The following RABGAP1L variants were observed in gnomAD, a reference collection of about 807,000 sequenced individuals.
The protein encoded by RABGAP1L is RAB GTPase activating protein 1 like, also known as rab GTPase-activating protein 1-like.
Under a neutral mutation model 137.7 loss-of-function variants are expected in RABGAP1L, and 63 were observed. That is an observed-to-expected ratio of 0.46 (90% CI 0.37 to 0.56). The LOEUF is 0.56. Among genes scored for constraint, RABGAP1L ranks in the 20% least tolerant of loss-of-function variants. The probability of loss-of-function intolerance (pLI) is 0.00; values close to 1 mark genes in which losing one functional copy is unlikely to be tolerated. For synonymous variants in RABGAP1L, 431 were observed against 433.7 expected (o/e 0.99, Z 0.08); for missense variants, 1,095 against 1,244.0 (o/e 0.88, Z 1.80).
At chr1:174,871,030 C>T (rs182221193) in intron 19 of RABGAP1L, among the ~76,000 whole-genome samples, 4 of 152,214 alleles carry the variant, frequency 2.6e-5, no homozygotes, top group East Asian at 3.9e-4. Context: ...TGAGCCACCA[C>T]GCCCGGCCTA....
At chr1:174,447,672 C>G (rs539961559) in intron 13 of RABGAP1L, among the ~76,000 whole-genome samples, 26 of 152,268 alleles carry the variant, frequency 1.7e-4, no homozygotes, top group African/African-American at 6.0e-4. Flanking sequence ...GAAACTGCCT[C>G]TCTTAGGAGA....
chr1:174,468,738 A>C (rs1384064202), intron 13 of RABGAP1L, among the ~76,000 whole-genome samples: 1 of 152,054 alleles, frequency 6.6e-6, no homozygotes, highest in Non-Finnish European at 1.5e-5. Context: ...TCTCTGTAAA[A>C]TCATTCCAGT....
chr1:174,174,223 C>T (rs1429522028), intron 1 of RABGAP1L, among the ~76,000 whole-genome samples: 4 of 125,958 alleles, frequency 3.2e-5, no homozygotes, highest in Non-Finnish European at 6.8e-5. Flanking sequence ...CACACACACA[C>T]ACACACACAC....
chr1:174,327,133 A>T (rs1351536296), intron 11 of RABGAP1L, among the ~76,000 whole-genome samples: 1 of 152,190 alleles, frequency 6.6e-6, no homozygotes, highest in Non-Finnish European at 1.5e-5. Flanking sequence ...TATAAAACCC[A>T]CAGGAAAAAG....
chr1:174,754,650 T>G (rs755333320), intron 18 of RABGAP1L, among the ~76,000 whole-genome samples: 2 of 152,116 alleles, frequency 1.3e-5, no homozygotes, highest in Non-Finnish European at 2.9e-5. Context: ...TACAGGTAGA[T>G]GCCACCATGC....
In RABGAP1L at chr1:174,858,156, G is replaced by T. The variant is rs140383221; in HGVS notation, c.2340+46196G>T. 9.7e-3 allele frequency among the ~76,000 whole-genome samples: 1,468 copies of T among 152,112 alleles called. 30 individuals carry two copies. The highest frequency in any genetic ancestry group is 0.032 in the African/African-American group (1,334 of 41,492). ...GCTTCCCAAGTAGTTGGGATTACAGGCATGTGCCACCATGCCTGGCTAATT... is the reference window on the plus strand; with the variant it reads ...GCTTCCCAAGTAGTTGGGATTACAGTCATGTGCCACCATGCCTGGCTAATT... On this transcript the variant is annotated intron_variant, in intron 19 of 25. Transcript: ENST00000681986.
chr1:174,649,599 G>A (rs1255133030), intron 14 of RABGAP1L, among the ~76,000 whole-genome samples: 2 of 152,080 alleles, frequency 1.3e-5, no homozygotes, highest in African/African-American at 2.4e-5. Flanking sequence ...CCCTTTGTGG[G>A]TAACCCGACC....
intron 13 of RABGAP1L, among the ~76,000 whole-genome samples, chr1:174,619,130 T>C (rs965378107): frequency 2.0e-5 from 3 of 152,092 alleles, no homozygotes; most frequent in African/African-American, 4.8e-5. Context: ...CCAAGAAATA[T>C]GGGACTATGT....
intron 18 of RABGAP1L, among the ~76,000 whole-genome samples, chr1:174,771,962 G>A (rs952630367): frequency 6.6e-6 from 1 of 152,222 alleles, no homozygotes; most frequent in Non-Finnish European, 1.5e-5. Flanking sequence ...CACTTTGGAA[G>A]GCCGAGGCAG....
At chr1:174,794,506 G>A (rs1014699604) in intron 18 of RABGAP1L, among the ~76,000 whole-genome samples, 2 of 152,174 alleles carry the variant, frequency 1.3e-5, no homozygotes, top group South Asian at 4.1e-4. Context: ...TAAATTTTCA[G>A]AGCAGCTTTG....
chr1:174,746,024 C>T (rs1292500939), intron 17 of RABGAP1L, among the ~76,000 whole-genome samples: 1 of 152,198 alleles, frequency 6.6e-6, no homozygotes, highest in African/African-American at 2.4e-5. Flanking sequence ...TTTGACACTA[C>T]CTTTTCAGCA....
chr1:174,828,166 T>G lies in RABGAP1L; in HGVS notation c.2340+16206T>G, dbSNP rs750699536. On this transcript the variant is annotated intron_variant, in intron 19 of 25. Coordinates refer to ENST00000681986, the MANE Select transcript of RABGAP1L (RefSeq NM_001366446.1). ...ACATTTTGAAGATTGTCTGACATAGTAGGATCTTCTTAGAGCCATCAGAAT... is the reference window on the plus strand; with the variant it reads ...ACATTTTGAAGATTGTCTGACATAGGAGGATCTTCTTAGAGCCATCAGAAT... Among the ~76,000 whole-genome samples, 27 of 148,202 alleles carry G rather than the reference T, an allele frequency of 1.8e-4. 6 individuals carry two copies. The highest frequency in any genetic ancestry group is 3.3e-4 in the Non-Finnish European group (22 of 66,594).
chr1:174,910,253 A>G (rs375814937), intron 19 of RABGAP1L, among the ~76,000 whole-genome samples: 3 of 152,234 alleles, frequency 2.0e-5, no homozygotes, highest in Non-Finnish European at 4.4e-5. Context: ...AGTGTGGTAC[A>G]TCACATGGAC....
At chr1:174,464,583 T>A (rs1024831557) in intron 13 of RABGAP1L, among the ~76,000 whole-genome samples, 1 of 152,180 alleles carries the variant, frequency 6.6e-6, no homozygotes, top group Non-Finnish European at 1.5e-5. Flanking sequence ...TTAATGTCAT[T>A]AGTACCACTG....
intron 1 of RABGAP1L, among the ~76,000 whole-genome samples, chr1:174,216,402 C>T (rs1419903605): frequency 2.6e-5 from 4 of 151,960 alleles, no homozygotes; most frequent in Non-Finnish European, 4.4e-5. Context: ...AAGTATCTCA[C>T]ATAACACATT....
chr1:174,305,098 T>G lies in RABGAP1L; in HGVS notation c.1436T>G (p.Met479Arg), dbSNP rs1678080250. 2.6e-6 allele frequency: 4 copies of G among 1,548,458 alleles called. No individual in the cohort carries two copies. In the South Asian group the frequency reaches 5.1e-5, roughly 20 times the overall value. Reference protein sequence around the residue: ...PVTPTSGGGPMSPQDDEAEEE... With the variant: ...PVTPTSGGGPRSPQDDEAEEE... ...ACTCCTACTAGTGGAGGGGGTCCAA[T>G]GTCACCCCAGGATGATGAAGCAGAA... Residue 479 changes from methionine (M) to arginine (R), a missense_variant, in exon 11 of 26, where the codon ATG (methionine) becomes AGG (arginine). Physicochemically the swap from Met to Arg is moderately conservative, Grantham distance 91. Coordinates refer to ENST00000681986, the MANE Select transcript of RABGAP1L (RefSeq NM_001366446.1).
intron 13 of RABGAP1L, among the ~76,000 whole-genome samples, chr1:174,584,542 A>G (rs994731024): frequency 2.0e-5 from 3 of 152,208 alleles, no homozygotes; most frequent in Non-Finnish European, 4.4e-5. Context: ...AGCCTGGGCA[A>G]CATAGCAAGA....
chr1:174,767,859 A>C (rs1476365921), intron 18 of RABGAP1L, among the ~76,000 whole-genome samples: 9 of 152,212 alleles, frequency 5.9e-5, no homozygotes, highest in Admixed American at 5.2e-4. Flanking sequence ...CCTCACAATC[A>C]TGCCTGAAGG....
intron 9 of RABGAP1L, among the ~76,000 whole-genome samples, chr1:174,276,711 AAATAGTTTTT>A (rs1675033917): frequency 6.6e-6 from 1 of 152,018 alleles, no homozygotes; most frequent in South Asian, 2.1e-4. Flanking sequence ...CAGTTGTAGC[AAATAGTTTTT>A]TCTTAGTTTT....
Sources: gnomAD v4.1 joint callset for allele counts (sites outside exome capture counted in the v4.1 genomes callset) on GRCh38, gnomAD v4.1.1 for gene constraint, MANE v1.5 for transcripts, NCBI Gene and HGNC (gene_info 2026-07-23, HGNC 2026-07-21) for gene names.